Variants in NOS1AP observed in about 807,000 individuals in gnomAD.
NOS1AP encodes the protein carboxyl-terminal PDZ ligand of neuronal nitric oxide synthase protein.
In NOS1AP, 21 loss-of-function variants were observed where a neutral mutation model predicts 56.2. The observed-to-expected ratio is 0.37, with a 90% confidence interval of 0.26 to 0.54. NOS1AP has a LOEUF of 0.54. NOS1AP is among the 20% of genes least tolerant of loss of function. NOS1AP has a pLI of 0.84. For synonymous variants in NOS1AP, 270 were observed against 274.6 expected (o/e 0.98, Z 0.17); for missense variants, 522 against 657.8 (o/e 0.79, Z 2.26).
At chr1:162,208,538 ATTGT>A (rs1652242408) in intron 2 of NOS1AP, among the ~76,000 whole-genome samples, 1 of 152,098 alleles carries the variant, frequency 6.6e-6, no homozygotes, top group African/African-American at 2.4e-5. Context: ...GGACCAGATA[ATTGT>A]TTGTTGTAAG....
At chr1:162,082,795 C>T (rs1691922988) in intron 1 of NOS1AP, among the ~76,000 whole-genome samples, 1 of 152,110 alleles carries the variant, frequency 6.6e-6, no homozygotes, top group African/African-American at 2.4e-5. Flanking sequence ...GTACAAAACG[C>T]TGAAAAGGTC....
chr1:162,148,815 T>C (rs752930533), intron 1 of NOS1AP, among the ~76,000 whole-genome samples: 5 of 152,178 alleles, frequency 3.3e-5, no homozygotes, highest in African/African-American at 4.8e-5. Context: ...AAGGAGGCCA[T>C]TGTATAGACA....
intron 1 of NOS1AP, among the ~76,000 whole-genome samples, chr1:162,113,364 C>T (rs1186826271): frequency 6.6e-6 from 1 of 152,188 alleles, no homozygotes; most frequent in African/African-American, 2.4e-5. Flanking sequence ...GGGGTCCTGG[C>T]AGCCCCACAG....
intron 2 of NOS1AP, among the ~76,000 whole-genome samples, chr1:162,182,564 TA>T (rs1238243867): frequency 6.6e-6 from 1 of 152,236 alleles, no homozygotes; most frequent in Non-Finnish European, 1.5e-5. Flanking sequence ...CACTATTTGA[TA>T]GCATTACAGT....
intron 2 of NOS1AP, among the ~76,000 whole-genome samples, chr1:162,178,044 C>T (rs1258447951): frequency 6.6e-6 from 1 of 152,232 alleles, no homozygotes; most frequent in African/African-American, 2.4e-5. Flanking sequence ...GATCTTTTTA[C>T]TGTCTATAAT....
At chr1:162,143,545 C>T (rs1649325425) in intron 1 of NOS1AP, among the ~76,000 whole-genome samples, 1 of 152,154 alleles carries the variant, frequency 6.6e-6, no homozygotes, top group Admixed American at 6.5e-5. Context: ...GCCTTGACCT[C>T]CGGGGCTCAA....
At chr1:162,157,415 C>G (rs1650020025) in intron 2 of NOS1AP, among the ~76,000 whole-genome samples, 2 of 152,212 alleles carry the variant, frequency 1.3e-5, no homozygotes, top group South Asian at 4.1e-4. Flanking sequence ...TTCTTTTCTT[C>G]TTTCCCTTTT....
In NOS1AP at chr1:162,325,720, G is replaced by C. The variant is rs191068138; in HGVS notation, c.345-7297G>C. ...TCACATTGTGCTTCTTACTTTCCCA[G>C]AGGTTTTCCTTAAGAATACCACTTG... On this transcript the variant is annotated intron_variant, in intron 4 of 9. Coordinates refer to ENST00000361897, the MANE Select transcript of NOS1AP (RefSeq NM_014697.3). 1.8e-4 allele frequency among the ~76,000 whole-genome samples: 27 copies of C among 152,038 alleles called. No individual in the cohort carries two copies. In the East Asian group the frequency reaches 5.2e-3, roughly 30 times the overall value.
intron 2 of NOS1AP, among the ~76,000 whole-genome samples, chr1:162,275,120 A>G (rs943200545): frequency 5.3e-5 from 8 of 152,106 alleles, no homozygotes; most frequent in African/African-American, 1.9e-4. Context: ...TTTTGGTATC[A>G]TATGTAGAAG....
At chr1:162,073,548 A>G (rs1383750031) in intron 1 of NOS1AP, among the ~76,000 whole-genome samples, 1 of 151,904 alleles carries the variant, frequency 6.6e-6, no homozygotes, top group Non-Finnish European at 1.5e-5. Flanking sequence ...ACAACCTCCA[A>G]CTCCCAGGTT....
At chr1:162,297,341 A>G (rs912665975) in intron 3 of NOS1AP, among the ~76,000 whole-genome samples, 2 of 152,228 alleles carry the variant, frequency 1.3e-5, no homozygotes, top group African/African-American at 4.8e-5. Context: ...TCTCAGGAGC[A>G]AAGCAGGTCT....
intron 2 of NOS1AP, among the ~76,000 whole-genome samples, chr1:162,185,340 A>G (rs1234643897): frequency 6.6e-6 from 1 of 152,242 alleles, no homozygotes; most frequent in Non-Finnish European, 1.5e-5. Flanking sequence ...AGCTTGTAAT[A>G]CTGACTGTCT....
At chr1:162,145,336 C>T (rs749806311) in intron 1 of NOS1AP, among the ~76,000 whole-genome samples, 5 of 152,076 alleles carry the variant, frequency 3.3e-5, no homozygotes, top group African/African-American at 4.8e-5. Flanking sequence ...TCCACATGGG[C>T]GCTTTGAGTC....
intron 2 of NOS1AP, among the ~76,000 whole-genome samples, chr1:162,248,879 A>T (rs1210618439): frequency 6.6e-6 from 1 of 152,122 alleles, no homozygotes; most frequent in East Asian, 1.9e-4. Context: ...CTTGACTTAA[A>T]TCCAACTCTT....
chr1:162,226,229 G>T, intron 2 of NOS1AP, among the ~76,000 whole-genome samples: 1 of 152,252 alleles, frequency 6.6e-6, no homozygotes, highest in South Asian at 2.1e-4. Flanking sequence ...GGAGGCAGAG[G>T]TTGCGGTGAG....
At chr1:162,275,967 C>G (rs949344889) in intron 2 of NOS1AP, among the ~76,000 whole-genome samples, 5 of 152,264 alleles carry the variant, frequency 3.3e-5, no homozygotes, top group Admixed American at 2.0e-4. Context: ...GCCCACTGAG[C>G]GCCTTTATAA....
At chr1:162,227,139 CAG>C (rs556492482) in intron 2 of NOS1AP, among the ~76,000 whole-genome samples, 2 of 152,172 alleles carry the variant, frequency 1.3e-5, no homozygotes, top group Non-Finnish European at 2.9e-5. Flanking sequence ...TCCAACATTA[CAG>C]AGTTATCTCT....
At chr1:162,320,627 G>A (rs992364860) in intron 4 of NOS1AP, among the ~76,000 whole-genome samples, 12 of 152,104 alleles carry the variant, frequency 7.9e-5, no homozygotes, top group Admixed American at 2.6e-4. Flanking sequence ...AGGCCGAGGC[G>A]GGAGGATCAC....
At chr1:162,108,231 A>G (rs993524905) in intron 1 of NOS1AP, among the ~76,000 whole-genome samples, 5 of 152,210 alleles carry the variant, frequency 3.3e-5, no homozygotes, top group African/African-American at 9.6e-5. Context: ...TCATCTTTTT[A>G]CAACAGCAAG....
Sources: allele counts gnomAD v4.1 joint callset (sites outside exome capture counted in the v4.1 genomes callset), GRCh38; gene constraint gnomAD v4.1.1; transcripts MANE v1.5; gene names NCBI Gene and HGNC (gene_info 2026-07-23, HGNC 2026-07-21).